The following ZNF91 variants were observed in gnomAD, a reference collection of about 807,000 sequenced individuals.
The protein encoded by ZNF91 is zinc finger protein 91.
In ZNF91, 7 loss-of-function variants were observed where a neutral mutation model predicts 12.6. The ratio of observed to expected loss-of-function variants is 0.55; its 90% CI spans 0.31 to 1.04. The LOEUF (loss-of-function observed/expected upper bound fraction) is 1.04. Ranked by LOEUF, ZNF91 falls within the 50% of genes least tolerant of loss-of-function variation. ZNF91 has a pLI of 0.05. For synonymous variants in ZNF91, 453 were observed against 462.6 expected (o/e 0.98, Z 0.27); for missense variants, 1,217 against 1,385.4 (o/e 0.88, Z 1.93).
In ZNF91 at chr19:23,374,543, G is replaced by A. The variant is rs369610611; in HGVS notation, c.157+95C>T. On this transcript the variant is annotated intron_variant, in intron 2 of 3. Transcript: ENST00000300619. The stretch of plus-strand genomic sequence containing the variant: ...CCACTGCACTCCAGTCTGGGCAACA[G>A]AGCAAGACTCTGTCTCAAAAAAAAA... The A allele has an allele frequency of 7.5e-4, 942 of 1,250,972 alleles. 3 individuals carry two copies. In the African/African-American group the frequency reaches 0.012, roughly 16 times the overall value. The allele number at this position is 1,250,972 out of a possible 1,614,324, so 77.5% of individuals were successfully genotyped here. A position where few individuals can be genotyped will look rare whatever the true frequency, so the allele number is the denominator to read the frequency against.
downstream of ZNF91, chr19:23,337,761 A>G (rs770579239): frequency 1.3e-5 from 2 of 152,098 alleles, no homozygotes; most frequent in Non-Finnish European, 2.9e-5. Flanking sequence ...ATAAATAAAT[A>G]AATTTAGAGT....
upstream of ZNF91, among the ~76,000 whole-genome samples, chr19:23,313,044 G>A (rs765939798): frequency 5.9e-5 from 9 of 152,238 alleles, no homozygotes; most frequent in Non-Finnish European, 8.8e-5. Flanking sequence ...ACACAGGAAA[G>A]ATTGTGCCTC....
At chr19:23,372,314 G>A (rs1241279760) in intron 3 of ZNF91, among the ~76,000 whole-genome samples, 2 of 152,130 alleles carry the variant, frequency 1.3e-5, no homozygotes, top group Non-Finnish European at 2.9e-5. Flanking sequence ...GAGAGAACCA[G>A]GCATCATGGT....
chr19:23,377,212 T>G (rs746330582), intron 1 of ZNF91, among the ~76,000 whole-genome samples: 2 of 152,206 alleles, frequency 1.3e-5, no homozygotes, highest in Non-Finnish European at 2.9e-5. Context: ...CACCCTTTAG[T>G]GCAAAGGTGG....
upstream of ZNF91, among the ~76,000 whole-genome samples, chr19:23,311,565 C>T (rs1370835789): frequency 6.6e-6 from 1 of 152,118 alleles, no homozygotes; most frequent in East Asian, 1.9e-4. Context: ...TATTTTTGCA[C>T]TAAACATCTA....
chr19:23,315,775 C>A (rs1967547456), intron 1 of ZNF91, among the ~76,000 whole-genome samples: 1 of 152,138 alleles, frequency 6.6e-6, no homozygotes, highest in Non-Finnish European at 1.5e-5. Context: ...CTACATATTT[C>A]TTGTCCCCTC....
At chr19:23,394,926 A>C (rs1970182891) in intron 1 of ZNF91, among the ~76,000 whole-genome samples, 1 of 152,084 alleles carries the variant, frequency 6.6e-6, no homozygotes, top group African/African-American at 2.4e-5. Flanking sequence ...GACGCCCATA[A>C]ATTTTTAATA....
At chr19:23,357,492 C>CT (rs1344771854), downstream of ZNF91, among the ~76,000 whole-genome samples, 4 of 152,168 alleles carry the variant, frequency 2.6e-5, no homozygotes, top group Non-Finnish European at 2.9e-5. Context: ...TCCAATATTG[C>CT]TTTTTTCTGC....
intron 1 of ZNF91, among the ~76,000 whole-genome samples, chr19:23,323,501 TTTTCC>T (rs763791840): frequency 3.2e-5 from 4 of 126,126 alleles, no homozygotes; most frequent in African/African-American, 6.9e-5. Flanking sequence ...ATCATCCTCC[TTTTCC>T]TTTCTTCTCC....
Position 23,362,031 on chromosome 19 carries a change from A to T in ZNF91, c.948T>A (p.His316Gln). The T allele has an allele frequency of 6.2e-7, 1 of 1,613,868 alleles. No individual in the cohort carries two copies. The highest frequency in any genetic ancestry group is 8.5e-7 in the Non-Finnish European group (1 of 1,179,932). Reference sequence around the variant, plus strand: ...CACATTTGTAGGGTTTCTCTCCAGTATGAATTCTCTTATGTTTAGCAAGGG... The same window carrying T: ...CACATTTGTAGGGTTTCTCTCCAGTTTGAATTCTCTTATGTTTAGCAAGGG... ...SSTLAKHKRI[H>Q]TGEKPYKCEE... is the part of the protein sequence containing the mutation. The change falls in exon 4 of 4, where the codon CAT (histidine) becomes CAA (glutamine). Residue 316 changes from histidine to glutamine, a missense_variant. Transcript: ENST00000300619.
chr19:23,344,752 TTA>T (rs1891775459), intron 3 of ZNF91, among the ~76,000 whole-genome samples: 3 of 152,002 alleles, frequency 2.0e-5, no homozygotes, highest in Admixed American at 1.3e-4. Context: ...TCCCGAAAAC[TTA>T]AGGGAATGAA....
chr19:23,394,176 T>G lies in ZNF91; in HGVS notation c.30+1149A>C, dbSNP rs1033066443. ...GAGGAACAGGGGATGAGGGGTGGACTTGAGGCCCTGCTTGAGACACATGTA... is the reference window on the plus strand; with the variant it reads ...GAGGAACAGGGGATGAGGGGTGGACGTGAGGCCCTGCTTGAGACACATGTA... On this transcript the variant is annotated intron_variant, in intron 1 of 3. Coordinates refer to ENST00000300619, the MANE Select transcript of ZNF91 (RefSeq NM_003430.4). Among the ~76,000 whole-genome samples the G allele has an allele frequency of 3.3e-5, 5 of 152,216 alleles. 1 individual carries two copies. The South Asian group carries it at 8.3e-4, about 25-fold the overall frequency.
At chr19:23,376,659 G>A (rs181859122) in intron 1 of ZNF91, among the ~76,000 whole-genome samples, 2 of 152,116 alleles carry the variant, frequency 1.3e-5, no homozygotes, top group African/African-American at 4.8e-5. Context: ...AAAGTGCTGG[G>A]ATTACAGACG....
At chr19:23,331,586 T>C (rs1967929145) in intron 1 of ZNF91, among the ~76,000 whole-genome samples, 1 of 152,302 alleles carries the variant, frequency 6.6e-6, no homozygotes, top group Non-Finnish European at 1.5e-5. Context: ...GAAAACAGGG[T>C]AGTCACTCAT....
At chr19:23,320,107 G>T (rs1347949868) in intron 1 of ZNF91, among the ~76,000 whole-genome samples, 1 of 152,152 alleles carries the variant, frequency 6.6e-6, no homozygotes, top group East Asian at 1.9e-4. Flanking sequence ...ACCCACTGGT[G>T]AGATCCTGAA....
chr19:23,331,905 T>G (rs991405737), intron 1 of ZNF91, among the ~76,000 whole-genome samples: 1 of 152,228 alleles, frequency 6.6e-6, no homozygotes, highest in Non-Finnish European at 1.5e-5. Flanking sequence ...AGCTTGTCTC[T>G]AAGAAGTCTG....
intron 1 of ZNF91, among the ~76,000 whole-genome samples, chr19:23,391,987 G>A (rs888099963): frequency 6.6e-6 from 1 of 152,178 alleles, no homozygotes; most frequent in African/African-American, 2.4e-5. Flanking sequence ...GTTCATACAA[G>A]GGAAGAAAAG....
At chr19:23,390,241 G>A (rs868796587) in intron 1 of ZNF91, among the ~76,000 whole-genome samples, 9 of 152,042 alleles carry the variant, frequency 5.9e-5, no homozygotes, top group African/African-American at 2.2e-4. Flanking sequence ...GCTTGAACCC[G>A]GGAGACGGAG....
chr19:23,311,075 T>C (rs1272873568), upstream of ZNF91, among the ~76,000 whole-genome samples: 1 of 152,242 alleles, frequency 6.6e-6, no homozygotes, highest in Non-Finnish European at 1.5e-5. Flanking sequence ...GTGTTTCTTT[T>C]GCCAGGACCT....
Sources: gnomAD v4.1 joint callset for allele counts (sites outside exome capture counted in the v4.1 genomes callset) on GRCh38, gnomAD v4.1.1 for gene constraint, MANE v1.5 for transcripts, NCBI Gene and HGNC (gene_info 2026-07-23, HGNC 2026-07-21) for gene names.